TRPS1: variants seen among roughly 807,000 people sequenced by gnomAD.
TRPS1 encodes the protein zinc finger transcription factor Trps1.
TRPS1 carries 6 observed loss-of-function variants against 101.2 expected under a neutral mutation model. That is an observed-to-expected ratio of 0.06 (90% CI 0.03 to 0.12). The LOEUF (loss-of-function observed/expected upper bound fraction) is 0.12. TRPS1 is among the 10% of genes least tolerant of loss of function. The probability of loss-of-function intolerance (pLI) is 1.00; values close to 1 mark genes in which losing one functional copy is unlikely to be tolerated. For synonymous variants in TRPS1, 578 were observed against 589.8 expected, an observed-to-expected ratio of 0.98 and a Z score of 0.29; for missense variants, 1,363 against 1,567.0, an observed-to-expected ratio of 0.87 and a Z score of 2.20.
chr8:115,631,382 T>A lies in TRPS1; in HGVS notation c.-121-7624A>T, dbSNP rs534134312. On this transcript the variant is annotated intron_variant, in intron 1 of 6. Transcript: ENST00000395715. ...TGTGATACTAATCAAAATATTGATATAAAATAATTCAATATATATAAATAG... is the reference window on the plus strand; with the variant it reads ...TGTGATACTAATCAAAATATTGATAAAAAATAATTCAATATATATAAATAG... Among the ~76,000 whole-genome samples, 3 of 152,100 alleles carry A rather than the reference T, an allele frequency of 2.0e-5. No homozygotes were observed. The East Asian group carries it at 5.8e-4, about 29-fold the overall frequency.
intron 5 of TRPS1, among the ~76,000 whole-genome samples, chr8:115,444,486 G>T (rs1006919733): frequency 2.5e-4 from 38 of 152,200 alleles, no homozygotes; most frequent in African/African-American, 9.2e-4. Flanking sequence ...AGCTCCTCAA[G>T]ATATCTCTGT....
chr8:115,466,885 T>C (rs1273067871), intron 5 of TRPS1, among the ~76,000 whole-genome samples: 4 of 152,108 alleles, frequency 2.6e-5, no homozygotes, highest in Non-Finnish European at 5.9e-5. Flanking sequence ...TTGCATTATG[T>C]TACATTGCTT....
intron 5 of TRPS1, among the ~76,000 whole-genome samples, chr8:115,548,385 T>A (rs1563594336): frequency 6.6e-6 from 1 of 152,112 alleles, no homozygotes; most frequent in Non-Finnish European, 1.5e-5. Flanking sequence ...TCGCCCAGGC[T>A]GGAGTGTAGT....
intron 1 of TRPS1, among the ~76,000 whole-genome samples, chr8:115,661,064 C>T (rs1369692151): frequency 6.6e-6 from 1 of 151,996 alleles, no homozygotes; most frequent in Admixed American, 6.6e-5. Flanking sequence ...TACTCACAAA[C>T]AGTCCTGTCC....
chr8:115,658,793 T>C (rs1811733181), intron 1 of TRPS1, among the ~76,000 whole-genome samples: 1 of 152,122 alleles, frequency 6.6e-6, no homozygotes, highest in Non-Finnish European at 1.5e-5. Context: ...CACAAATATG[T>C]GTAATGTTGA....
At chr8:115,470,770 A>G (rs995007938) in intron 5 of TRPS1, among the ~76,000 whole-genome samples, 1 of 152,234 alleles carries the variant, frequency 6.6e-6, no homozygotes, top group Non-Finnish European at 1.5e-5. Context: ...TCAATGATTC[A>G]TATTCTCTAT....
At chr8:115,648,486 C>T (rs1811477773) in intron 1 of TRPS1, among the ~76,000 whole-genome samples, 1 of 152,174 alleles carries the variant, frequency 6.6e-6, no homozygotes, top group Non-Finnish European at 1.5e-5. Context: ...ACACGCAGCT[C>T]CTGTTGTGTC....
chr8:115,451,858 A>G (rs1266169384), intron 5 of TRPS1, among the ~76,000 whole-genome samples: 1 of 152,200 alleles, frequency 6.6e-6, no homozygotes, highest in Non-Finnish European at 1.5e-5. Context: ...AGAAAGGCCC[A>G]TTCTCTGCCC....
intron 5 of TRPS1, among the ~76,000 whole-genome samples, chr8:115,551,848 G>A (rs1453131138): frequency 6.6e-6 from 1 of 152,136 alleles, no homozygotes; most frequent in African/African-American, 2.4e-5. Flanking sequence ...ACTTAATTTA[G>A]TGTATCCCCT....
chr8:115,599,794 T>C (rs1313289560), intron 4 of TRPS1, among the ~76,000 whole-genome samples: 1 of 152,198 alleles, frequency 6.6e-6, no homozygotes, highest in Non-Finnish European at 1.5e-5. Context: ...AATGGTACAA[T>C]AAACATACAT....
intron 5 of TRPS1, among the ~76,000 whole-genome samples, chr8:115,566,036 T>C (rs1563608312): frequency 6.6e-6 from 1 of 152,178 alleles, no homozygotes; most frequent in Non-Finnish European, 1.5e-5. Context: ...GCATAGATTT[T>C]AGCAAATTCG....
chr8:115,441,643 T>C (rs1352663589), intron 5 of TRPS1, among the ~76,000 whole-genome samples: 1 of 152,036 alleles, frequency 6.6e-6, no homozygotes, highest in Non-Finnish European at 1.5e-5. Context: ...TTTTGTAATA[T>C]ATTTGCCTCT....
At chr8:115,599,678 T>C (rs1198513577) in intron 4 of TRPS1, among the ~76,000 whole-genome samples, 1 of 152,208 alleles carries the variant, frequency 6.6e-6, no homozygotes, top group Non-Finnish European at 1.5e-5. Flanking sequence ...CAACTCGTTT[T>C]TTTATGGCTG....
intron 5 of TRPS1, among the ~76,000 whole-genome samples, chr8:115,489,479 T>C (rs1424449495): frequency 6.6e-6 from 1 of 152,216 alleles, no homozygotes; most frequent in African/African-American, 2.4e-5. Context: ...CTGGCAGAAT[T>C]TGGTTCAGCA....
At chr8:115,570,398 C>T (rs139116152) in intron 5 of TRPS1, among the ~76,000 whole-genome samples, 71 of 151,916 alleles carry the variant, frequency 4.7e-4, no homozygotes, top group African/African-American at 1.7e-3. Flanking sequence ...ATATGGTTTT[C>T]CAAATTTTAA....
intron 5 of TRPS1, among the ~76,000 whole-genome samples, chr8:115,439,637 C>A (rs1285334938): frequency 6.6e-6 from 1 of 152,174 alleles, no homozygotes; most frequent in Non-Finnish European, 1.5e-5. Flanking sequence ...TAGCACTTTG[C>A]AGCTAACAAG....
rs754640284 is a variant in TRPS1, at chr8:115,587,142, T to G, written c.2559A>C (p.Arg853=). The change falls in exon 5 of 7, where the codon CGA becomes CGC. Residue 853 remains arginine, a synonymous_variant. Transcript: ENST00000395715. The part of the protein sequence containing the change: ...SPNVEAAHLA[R]PIYGLAVETK... ...TTTCCACAGCCAAGCCATAAATAGG[T>G]CGCGCCAGATGGGCGGCCTCCACAT... The G allele has an allele frequency of 3.7e-6, 6 of 1,613,924 alleles. No homozygotes were observed. Among genetic ancestry groups the G allele is most frequent in the Non-Finnish European group, 4.2e-6 (5 of 1,179,992 alleles).
intron 5 of TRPS1, among the ~76,000 whole-genome samples, chr8:115,554,566 C>T (rs189680435): frequency 6.6e-6 from 1 of 152,256 alleles, no homozygotes; most frequent in East Asian, 1.9e-4. Flanking sequence ...ATGCCTCCAT[C>T]AGTTATTATG....
Position 115,413,679 on chromosome 8 carries a change from TAG to T in TRPS1, c.*342_*343del, listed in dbSNP as rs1812841307. Reference sequence around the variant, plus strand: ...ATAATATGTAAACCCTTTCAAATTCTAGACAGTTTTGGTCTCTTTCTTTATAA... The same window carrying T: ...ATAATATGTAAACCCTTTCAAATTCTACAGTTTTGGTCTCTTTCTTTATAA... On this transcript the variant is annotated 3_prime_UTR_variant, in exon 7 of 7. Transcript: ENST00000395715. The T allele has an allele frequency of 4.1e-6, 1 of 245,502 alleles. No individual in the cohort carries two copies. Among genetic ancestry groups the T allele is most frequent in the South Asian group, 5.9e-5 (1 of 16,828 alleles). 15.2% of individuals were successfully genotyped at this position (245,502 alleles called of 1,614,324 possible).
Sources: gnomAD v4.1 joint callset for allele counts (sites outside exome capture counted in the v4.1 genomes callset) on GRCh38, gnomAD v4.1.1 for gene constraint, MANE v1.5 for transcripts, NCBI Gene and HGNC (gene_info 2026-07-23, HGNC 2026-07-21) for gene names.